The following DNAH2 variants were observed in gnomAD, a reference collection of about 807,000 sequenced individuals.
DNAH2 encodes axonemal beta dynein heavy chain 2.
In DNAH2, 323 loss-of-function variants were observed where a neutral mutation model predicts 523.5. The ratio of observed to expected loss-of-function variants is 0.62; its 90% confidence interval spans 0.56 to 0.68. The LOEUF (loss-of-function observed/expected upper bound fraction) is 0.68, where lower values mean the gene tolerates loss of function less well. DNAH2 is among the 30% of genes least tolerant of loss of function. The pLI is 0.00. For synonymous variants in DNAH2, 2,093 were observed against 2,177.4 expected (o/e 0.96, Z 1.08); for missense variants, 4,907 against 5,701.5 (o/e 0.86, Z 4.49).
Position 7,780,767 on chromosome 17 carries a change from T to G in DNAH2, c.5988T>G (p.Asp1996Glu). 1 of 1,614,238 alleles carries G rather than the reference T, an allele frequency of 6.2e-7. No individual in the cohort carries two copies. The highest frequency in any genetic ancestry group is 1.3e-5 in the African/African-American group (1 of 75,060). Residue 1996 changes from aspartate (D) to glutamate (E), a missense_variant, in exon 38 of 86, where the codon GAT (aspartate) becomes GAG (glutamate). This residue lies in a region of DNAH2 where 2,806 missense variants were observed against 3,190.8 expected (regional missense o/e 0.88). Transcript: ENST00000572933. This position sits in a 1 kb window ranked among gnomAD's most constrained non-coding sequence, Gnocchi z 4.4. ...GCAAGAAGCGCCGCCTACAGCCGGA[T>G]CTGACTGATGAAGAGGTAGAGCAAG... ...YAGKKRRLQP[D>E]LTDEEVLLLS...
Position 7,765,497 on chromosome 17 carries a change from G to T in DNAH2, c.3443G>T (p.Gly1148Val), listed in dbSNP as rs751683871. Residue 1148 changes from glycine (G) to valine (V), a missense_variant, in exon 21 of 86, where the codon GGC becomes GTC. Gly to Val is a moderately radical substitution (Grantham distance 109). Transcript: ENST00000572933. ...LKKHKEKFKT[G>V]LIHSADDFKK... ...AAACACAAGGAGAAATTCAAGACAG[G>T]CCTGATCCACTCGGCAGATGACTTC... 6.2e-7 allele frequency: 1 copy of T among 1,614,222 alleles called. No homozygotes were observed. Among genetic ancestry groups the T allele is most frequent in the Non-Finnish European group, 8.5e-7 (1 of 1,180,042 alleles).
In DNAH2 at chr17:7,776,870, A is replaced by C. The variant is rs574667018; in HGVS notation, c.5039A>C (p.Lys1680Thr). The C allele has an allele frequency of 2.2e-5, 36 of 1,611,126 alleles. No homozygotes were observed. The Admixed American group carries it at 5.8e-4, about 26-fold the overall frequency. ...GAGCGGGCAGACAAGAAAATCCTCA[A>C]GGTCATGAAGAAGAACCAGGTGAGA... Reference protein sequence around the residue: ...AKERADKKILKVMKKNQVSIL... With the variant: ...AKERADKKILTVMKKNQVSIL... The change falls in exon 32 of 86, where the codon AAG becomes ACG. Residue 1680 changes from lysine (K) to threonine (T), a missense_variant. Transcript: ENST00000572933.
rs552286392 is a variant in DNAH2, at chr17:7,763,483, G to A, written c.2979-348G>A. Among the ~76,000 whole-genome samples the A allele has an allele frequency of 5.3e-5, 8 of 152,268 alleles. No individual in the cohort carries two copies. In the South Asian group the frequency reaches 1.7e-3, roughly 32 times the overall value. On this transcript the variant is annotated intron_variant, in intron 18 of 85. Transcript: ENST00000572933. ...TTTAGTAGAGATAAGGTTTCACCAT[G>A]TTGGCTAGGCTGGTCTTGAACTCCT... is the stretch of plus-strand genomic sequence containing the variant.
rs372212528 is a variant in DNAH2, at chr17:7,833,576, C to G, written c.*43C>G. 2 of 1,607,886 alleles carry G rather than the reference C, an allele frequency of 1.2e-6. No homozygotes were observed. The highest frequency in any genetic ancestry group is 2.7e-5 in the African/African-American group (2 of 74,922). ...CGCTTGAGAGAGAGGGTCAGGGACTCCAGGAGCTAAGACAGATGTTGCACC... is the reference window on the plus strand; with the variant it reads ...CGCTTGAGAGAGAGGGTCAGGGACTGCAGGAGCTAAGACAGATGTTGCACC... On this transcript the variant is annotated 3_prime_UTR_variant, in exon 86 of 86. Coordinates refer to ENST00000572933, the MANE Select transcript of DNAH2 (RefSeq NM_020877.5).
rs2075794915 is a variant in DNAH2 at position 7,754,940 on chromosome 17, C to T, written c.1905-2151C>T. The stretch of plus-strand genomic sequence containing the variant: ...TGCATGGGGCTGGGGTCCTCCTGCG[C>T]TATTGGTACAAATAAGCCTGAGGCA... On this transcript the variant is annotated intron_variant, in intron 12 of 85. Coordinates refer to ENST00000572933, the MANE Select transcript of DNAH2 (RefSeq NM_020877.5). This position sits in a 1 kb window ranked among gnomAD's most constrained non-coding sequence, Gnocchi z 4.6. 5 of 449,350 alleles carry T rather than the reference C, an allele frequency of 1.1e-5. No homozygotes were observed. The highest frequency in any genetic ancestry group is 2.0e-5 in the Non-Finnish European group (5 of 252,618). The allele number at this position is 449,350 out of a possible 1,614,324, so 27.8% of individuals were successfully genotyped here. A position where few individuals can be genotyped will look rare whatever the true frequency, so the allele number is the denominator to read the frequency against.
At position 7,792,047 on chromosome 17, in the gene DNAH2, T is replaced by C. The variant is rs1391273076; in HGVS notation, c.7031T>C (p.Ile2344Thr). Residue 2344 changes from isoleucine to threonine, a missense_variant, in exon 45 of 86, where the codon ATC (isoleucine) becomes ACC (threonine). Physicochemically the swap from Ile to Thr is moderately conservative, Grantham distance 89 (BLOSUM62 -1). Transcript: ENST00000572933. ...AGGATCGACAGCTACCTCCGAGAGA[T>C]CGAGGGCTCCTTTCCCAATAAGGTT... ...RKRIDSYLREIEGSFPNKDTV... is the reference protein window; with the variant it reads ...RKRIDSYLRETEGSFPNKDTV... 1 of 1,613,036 alleles carries C rather than the reference T, an allele frequency of 6.2e-7. No individual in the cohort carries two copies. The highest frequency in any genetic ancestry group is 1.7e-5 in the Admixed American group (1 of 59,880).
chr17:7,734,323 G>A (rs2075078173), intron 6 of DNAH2, 30 bp downstream of exon 6: 4 of 1,606,132 alleles, frequency 2.5e-6, no homozygotes, highest in Non-Finnish European at 1.7e-6. Flanking sequence ...AGCATCACCT[G>A]GCGATCACAG....
Position 7,718,330 on chromosome 17 carries a change from C to T in DNAH2, c.-484C>T, listed in dbSNP as rs1373045279. Reference sequence around the variant, plus strand: ...TAGTTGGTTTTATTGATTTGCTGGCCTAACAGAACGTTTTTCCTTGGAGCA... The same window carrying T: ...TAGTTGGTTTTATTGATTTGCTGGCTTAACAGAACGTTTTTCCTTGGAGCA... On this transcript the variant is annotated 5_prime_UTR_variant, in exon 1 of 86. Coordinates refer to ENST00000572933, the MANE Select transcript of DNAH2 (RefSeq NM_020877.5). 2 of 152,160 alleles carry T rather than the reference C, an allele frequency of 1.3e-5. No homozygotes were observed. The highest frequency in any genetic ancestry group is 4.8e-5 in the African/African-American group (2 of 41,436). 9.4% of individuals were successfully genotyped at this position (152,160 alleles called of 1,614,324 possible).
At chr17:7,721,101 C>T (rs552895347) in intron 2 of DNAH2, among the ~76,000 whole-genome samples, 5 of 151,510 alleles carry the variant, frequency 3.3e-5, no homozygotes, top group African/African-American at 9.7e-5. Context: ...CTCTGCCTCC[C>T]GGGCTCAAGT....
chr17:7,788,147 A>G lies in DNAH2; in HGVS notation c.6803A>G (p.Lys2268Arg). 2 of 1,614,224 alleles carry G rather than the reference A, an allele frequency of 1.2e-6. No homozygotes were observed. The highest frequency in any genetic ancestry group is 2.7e-5 in the African/African-American group (2 of 75,074). Residue 2268 changes from lysine (K) to arginine (R), a missense_variant, in exon 44 of 86, where the codon AAG becomes AGG. By Grantham distance (26) the Lys-to-Arg change is conservative. This residue lies in a region of DNAH2 where 2,806 missense variants were observed against 3,190.8 expected (regional missense o/e 0.88). Coordinates refer to ENST00000572933, the MANE Select transcript of DNAH2 (RefSeq NM_020877.5). ...EKLINKMLAF[K>R]KDNCKELVPL... ...CTCATCAACAAGATGCTGGCCTTTAAGAAGGACAACTGCAAGGAGCTGGTG... is the reference window on the plus strand; with the variant it reads ...CTCATCAACAAGATGCTGGCCTTTAGGAAGGACAACTGCAAGGAGCTGGTG...
At chr17:7,728,268 T>TA (rs1429765478) in intron 4 of DNAH2, among the ~76,000 whole-genome samples, 1 of 152,226 alleles carries the variant, frequency 6.6e-6, no homozygotes, top group Non-Finnish European at 1.5e-5. Context: ...GTCATCACTG[T>TA]AAAATTCTTT....
At chr17:7,779,873 C>T in intron 36 of DNAH2, among the ~76,000 whole-genome samples, 1 of 152,094 alleles carries the variant, frequency 6.6e-6, no homozygotes, top group East Asian at 1.9e-4. Flanking sequence ...CTGATGAGAG[C>T]TATACACACA....
chr17:7,777,684 T>C (rs937679602), intron 33 of DNAH2, 50 bp downstream of exon 33: 1 of 1,598,580 alleles, frequency 6.3e-7, no homozygotes. Context: ...TGGATCCTAA[T>C]GCTTTTATTG....
chr17:7,741,274 CTTTCTTTCTTTCTTTCTTT>C (rs1567624545), intron 11 of DNAH2, among the ~76,000 whole-genome samples: 28 of 53,354 alleles, frequency 5.2e-4, no homozygotes, highest in African/African-American at 2.7e-3. Flanking sequence ...TTCTTTCTTT[CTTTCTTTCTTTCTTTCTTT>C]CTTCCTTCCT....
At chr17:7,783,239 A>G (rs1207527196) in intron 39 of DNAH2, among the ~76,000 whole-genome samples, 3 of 151,866 alleles carry the variant, frequency 2.0e-5, no homozygotes, top group South Asian at 2.1e-4. Context: ...CACCACACCC[A>G]GCTAATTTTG....
intron 9 of DNAH2, 39 bp downstream of exon 9, chr17:7,739,977 A>G: frequency 6.2e-7 from 1 of 1,604,594 alleles, no homozygotes; most frequent in Non-Finnish European, 8.5e-7. Context: ...GTGGGCAGGG[A>G]AGGCAGATCA....
chr17:7,793,536 T>TTTTC (rs201628520), intron 48 of DNAH2, among the ~76,000 whole-genome samples: 13,568 of 126,654 alleles, frequency 0.11, 1,120 homozygotes, highest in Middle Eastern at 0.19. Flanking sequence ...CTTTCTTTCT[T>TTTTC]TTTCTTTCTT....
In DNAH2 at chr17:7,817,875, A is replaced by G; in HGVS notation, c.10236+19A>G. ...AGGCCAGGTGTGAGGCTGGGGGGTC[A>G]GGTTAGCCCCCCCCTTCCTGAGGCC... On this transcript the variant is annotated intron_variant, in intron 67 of 85. Coordinates refer to ENST00000572933, the MANE Select transcript of DNAH2 (RefSeq NM_020877.5). 1 of 1,610,214 alleles carries G rather than the reference A, an allele frequency of 6.2e-7. No individual in the cohort carries two copies.
At chr17:7,824,979 G>A (rs2077978939) in intron 77 of DNAH2, among the ~76,000 whole-genome samples, 1 of 152,074 alleles carries the variant, frequency 6.6e-6, no homozygotes, top group African/African-American at 2.4e-5. Flanking sequence ...ATGGGTGTGT[G>A]CACACACACA....
Sources: allele counts gnomAD v4.1 joint callset (sites outside exome capture counted in the v4.1 genomes callset), GRCh38; gene constraint gnomAD v4.1.1; regional missense constraint gnomAD v4.1.1; non-coding constraint Gnocchi (gnomAD v3.1); transcripts MANE v1.5; gene names NCBI Gene and HGNC (gene_info 2026-07-23, HGNC 2026-07-21).